ANP32B: variants seen among roughly 807,000 people sequenced by gnomAD.
ANP32B encodes the protein acidic leucine-rich nuclear phosphoprotein 32 family member B.
Under a neutral mutation model 32.2 loss-of-function variants are expected in ANP32B, and 6 were observed. That is an observed-to-expected ratio of 0.19 (90% CI 0.10 to 0.37). The LOEUF (loss-of-function observed/expected upper bound fraction) is 0.37. Among genes scored for constraint, ANP32B ranks in the 10% least tolerant of loss-of-function variants. The pLI is 1.00. For synonymous variants in ANP32B, 98 were observed against 105.8 expected, an observed-to-expected ratio of 0.93 and a Z score of 0.45; for missense variants, 204 against 289.2, an observed-to-expected ratio of 0.71 and a Z score of 2.14.
chr9:98,010,260 GTGT>G (rs1218053520), intron 4 of ANP32B, among the ~76,000 whole-genome samples: 130 of 114,232 alleles, frequency 1.1e-3, no homozygotes, highest in African/African-American at 4.2e-3. Context: ...CAGAGAAATG[GTGT>G]TTTTTTTTTT....
rs1397753391 is a variant in ANP32B, at chr9:98,011,291, G to A, written c.538G>A (p.Glu180Lys). 7.7e-6 allele frequency: 12 copies of A among 1,549,388 alleles called. No homozygotes were observed. The highest frequency in any genetic ancestry group is 4.9e-5 in the East Asian group (2 of 40,946). The change falls in exon 5 of 7, where the codon GAG becomes AAG. Residue 180 changes from glutamate to lysine, a missense_variant. Coordinates refer to ENST00000339399, the MANE Select transcript of ANP32B (RefSeq NM_006401.3). The part of the protein sequence containing the change: ...EDEEGEDEED[E>K]DDEDGEEEEF... ...TTTAGAAGGAGAAGATGAGGAAGAC[G>A]AGGACGATGAGGATGGTGAAGAAGA...
chr9:97,990,092 T>G (rs967709574), intron 1 of ANP32B, among the ~76,000 whole-genome samples: 1 of 152,196 alleles, frequency 6.6e-6, no homozygotes, highest in Non-Finnish European at 1.5e-5. Context: ...GATCTCTCAT[T>G]TGTTCTGAAA....
chr9:98,008,311 T>C (rs1343931439), intron 4 of ANP32B, among the ~76,000 whole-genome samples: 1 of 152,214 alleles, frequency 6.6e-6, no homozygotes, highest in Admixed American at 6.5e-5. Context: ...GCCAGGGCCT[T>C]CTTTCTCACA....
intron 4 of ANP32B, among the ~76,000 whole-genome samples, chr9:98,009,573 A>G (rs1426112002): frequency 2.0e-5 from 3 of 152,238 alleles, no homozygotes; most frequent in African/African-American, 4.8e-5. Context: ...GCAGTTCACA[A>G]TAGAATTTGC....
chr9:97,989,225 T>C (rs1827785836), intron 1 of ANP32B, among the ~76,000 whole-genome samples: 2 of 152,344 alleles, frequency 1.3e-5, no homozygotes, highest in East Asian at 1.9e-4. Context: ...GGTAGTGTTA[T>C]AAATCATTGT....
intron 2 of ANP32B, among the ~76,000 whole-genome samples, chr9:97,997,112 T>G (rs1827918191): frequency 1.3e-5 from 2 of 152,230 alleles, no homozygotes; most frequent in African/African-American, 4.8e-5. Flanking sequence ...TATGTGATAT[T>G]CTAACCACAG....
intron 1 of ANP32B, among the ~76,000 whole-genome samples, chr9:97,992,456 C>G (rs553938772): frequency 2.6e-5 from 4 of 152,308 alleles, no homozygotes; most frequent in Admixed American, 2.6e-4. Context: ...TGCAGTGGTT[C>G]AAGTGGAATT....
intron 3 of ANP32B, among the ~76,000 whole-genome samples, chr9:98,000,967 C>G (rs999899584): frequency 6.6e-6 from 1 of 151,642 alleles, no homozygotes; most frequent in Admixed American, 6.6e-5. Context: ...TTTTCCATAG[C>G]CCTTGGGACC....
rs900765430 is a variant in ANP32B, at chr9:98,006,633, A to G, written c.517+1480A>G. On this transcript the variant is annotated intron_variant, in intron 4 of 6. Coordinates refer to ENST00000339399, the MANE Select transcript of ANP32B (RefSeq NM_006401.3). Reference sequence around the variant, plus strand: ...AGGTTCATTGCAACAGATGATTCACATTCTCCAAGCCCACTTTGTATAATA... The same window carrying G: ...AGGTTCATTGCAACAGATGATTCACGTTCTCCAAGCCCACTTTGTATAATA... Among the ~76,000 whole-genome samples, 10 of 152,230 alleles carry G rather than the reference A, an allele frequency of 6.6e-5. No individual in the cohort carries two copies. In the South Asian group the frequency reaches 2.1e-3, roughly 31 times the overall value.
intron 4 of ANP32B, among the ~76,000 whole-genome samples, chr9:98,008,248 T>C (rs1828121293): frequency 6.6e-6 from 1 of 152,160 alleles, no homozygotes; most frequent in South Asian, 2.1e-4. Context: ...GTTCTGAGCA[T>C]TGGGATTTTT....
intron 1 of ANP32B, among the ~76,000 whole-genome samples, chr9:97,989,513 C>G (rs1827789829): frequency 6.6e-6 from 1 of 152,078 alleles, no homozygotes; most frequent in African/African-American, 2.4e-5. Context: ...ACTCTTGGAT[C>G]AAATAGATCC....
At chr9:97,990,580 G>A (rs1462876755) in intron 1 of ANP32B, among the ~76,000 whole-genome samples, 2 of 152,064 alleles carry the variant, frequency 1.3e-5, no homozygotes, top group Non-Finnish European at 2.9e-5. Context: ...TGCCTTTTCT[G>A]CCTAGCCCAA....
chr9:98,005,359 A>C (rs1828062382), intron 4 of ANP32B: 1 of 366,682 alleles, frequency 2.7e-6, no homozygotes, highest in Non-Finnish European at 4.9e-6. Context: ...AATAGAAAAA[A>C]AAAAAATTAG....
chr9:97,983,748 G>A, intron 1 of ANP32B, 139 bp downstream of exon 1: 1 of 612,550 alleles, frequency 1.6e-6, no homozygotes, highest in Non-Finnish European at 2.5e-6. Flanking sequence ...GGGAAGGCGG[G>A]CGGGCGCGGA....
intron 3 of ANP32B, among the ~76,000 whole-genome samples, chr9:98,002,001 G>A (rs910400225): frequency 6.6e-6 from 1 of 152,124 alleles, no homozygotes; most frequent in Non-Finnish European, 1.5e-5. Context: ...GAGCTATTTC[G>A]AAAAGCCTGG....
In ANP32B at chr9:97,983,452, C is replaced by A; in HGVS notation, c.-104C>A. ...AGGACCGCGCCGCCGGCCTCCGCCG[C>A]TAGCAAACCCTTCCGACGGCCCTCG... is the stretch of plus-strand genomic sequence containing the variant. On this transcript the variant is annotated 5_prime_UTR_variant, in exon 1 of 7. Coordinates refer to ENST00000339399, the MANE Select transcript of ANP32B (RefSeq NM_006401.3). 1 of 1,112,534 alleles carries A rather than the reference C, an allele frequency of 9.0e-7. No individual in the cohort carries two copies. The highest frequency in any genetic ancestry group is 1.3e-6 in the Non-Finnish European group (1 of 767,584). The allele number at this position is 1,112,534 out of a possible 1,614,324, so 68.9% of individuals were successfully genotyped here.
At chr9:98,002,001 G>T (rs910400225) in intron 3 of ANP32B, among the ~76,000 whole-genome samples, 1 of 152,124 alleles carries the variant, frequency 6.6e-6, no homozygotes, top group Non-Finnish European at 1.5e-5. Flanking sequence ...GAGCTATTTC[G>T]AAAAGCCTGG....
intron 4 of ANP32B, among the ~76,000 whole-genome samples, chr9:98,005,846 A>G (rs1406058304): frequency 6.6e-6 from 1 of 152,164 alleles, no homozygotes; most frequent in East Asian, 1.9e-4. Flanking sequence ...GGGGTCTTCA[A>G]CCCACAGGCC....
intron 3 of ANP32B, 37 bp downstream of exon 3, chr9:97,998,715 GTCATTT>G (rs756237780): frequency 3.6e-4 from 526 of 1,480,894 alleles, no homozygotes; most frequent in Admixed American, 5.4e-4. Flanking sequence ...GAACTTACTG[GTCATTT>G]TCATTTTCAT....
Sources: gnomAD v4.1 joint callset for allele counts (sites outside exome capture counted in the v4.1 genomes callset) on GRCh38, gnomAD v4.1.1 for gene constraint, MANE v1.5 for transcripts, NCBI Gene and HGNC (gene_info 2026-07-23, HGNC 2026-07-21) for gene names.